Variants in AFG3L2 observed in about 807,000 individuals in gnomAD.
AFG3L2 encodes mitochondrial inner membrane m-AAA protease component AFG3L2.
Under a neutral mutation model 94.5 loss-of-function variants are expected in AFG3L2, and 54 were observed. That is an observed-to-expected ratio of 0.57 (90% CI 0.46 to 0.72). AFG3L2 has a LOEUF of 0.72. Ranked by LOEUF, AFG3L2 falls within the 30% of genes least tolerant of loss-of-function variation. The probability of loss-of-function intolerance (pLI) is 0.00; values close to 1 mark genes in which losing one functional copy is unlikely to be tolerated. For missense variants in AFG3L2, 754 were observed against 994.9 expected, an observed-to-expected ratio of 0.76 and a Z score of 3.26; for synonymous variants, 377 against 365.5, an observed-to-expected ratio of 1.03 and a Z score of -0.36.
At position 12,377,115 on chromosome 18, in the gene AFG3L2, C is replaced by A; in HGVS notation, c.-33G>T. The A allele has an allele frequency of 7.4e-7, 1 of 1,358,442 alleles. No homozygotes were observed. The highest frequency in any genetic ancestry group is 1.5e-5 in the South Asian group (1 of 66,290). 84.1% of individuals were successfully genotyped at this position (1,358,442 alleles called of 1,614,324 possible). On this transcript the variant is annotated 5_prime_UTR_variant, in exon 1 of 17. Coordinates refer to ENST00000269143, the MANE Select transcript of AFG3L2 (RefSeq NM_006796.3). ...GCCGTGGCCCTCTCGGCCCGGGACG[C>A]TGCGCAGGCGCGGGCAGGCGACGAC...
intron 5 of AFG3L2, among the ~76,000 whole-genome samples, chr18:12,365,794 T>C (rs1274847120): frequency 3.3e-5 from 5 of 152,028 alleles, no homozygotes; most frequent in Non-Finnish European, 7.4e-5. Context: ...AAAACCCAAG[T>C]ATTAAGAGGT....
chr18:12,373,186 G>A (rs971270560), intron 1 of AFG3L2, among the ~76,000 whole-genome samples: 1 of 152,222 alleles, frequency 6.6e-6, no homozygotes, highest in South Asian at 2.1e-4. Flanking sequence ...TGGAGCTTAT[G>A]TTGTGTTACA....
chr18:12,339,026 G>A (rs1021376745), intron 15 of AFG3L2, among the ~76,000 whole-genome samples: 7 of 151,820 alleles, frequency 4.6e-5, no homozygotes, highest in Non-Finnish European at 8.8e-5. Context: ...AGGCCAAGGC[G>A]GGCGGATCAC....
chr18:12,332,932 C>CTATATAA (rs1282089860), intron 16 of AFG3L2, among the ~76,000 whole-genome samples: 1 of 113,060 alleles, frequency 8.8e-6, no homozygotes, highest in Admixed American at 1.3e-4. Context: ...ATAACATATA[C>CTATATAA]TATATAACAT....
At chr18:12,356,607 G>A in intron 9 of AFG3L2, 87 bp downstream of exon 9, 2 of 1,585,308 alleles carry the variant, frequency 1.3e-6, no homozygotes, top group African/African-American at 1.3e-5. Flanking sequence ...CACTCTAGGG[G>A]GAAGGGCCAT....
chr18:12,347,557 T>A lies in AFG3L2; in HGVS notation c.1663+716A>T, dbSNP rs571106163. On this transcript the variant is annotated intron_variant, in intron 13 of 16. Transcript: ENST00000269143. ...TTTTATTTTATTTATTATTATTATT[T>A]TTTTTTTTTTTGAGACAGAGACTTA... Among the ~76,000 whole-genome samples, 364 of 148,940 alleles carry A rather than the reference T, an allele frequency of 2.4e-3. 1 individual carries two copies. The highest frequency in any genetic ancestry group is 7.3e-3 in the African/African-American group (300 of 41,042).
chr18:12,360,518 G>A (rs1312229804), intron 6 of AFG3L2, among the ~76,000 whole-genome samples: 1 of 152,080 alleles, frequency 6.6e-6, no homozygotes, highest in African/African-American at 2.4e-5. Context: ...CAATCCTGAG[G>A]ACCATCCTAA....
intron 6 of AFG3L2, 116 bp downstream of exon 6, chr18:12,363,666 G>A: frequency 1.2e-6 from 1 of 827,332 alleles, no homozygotes; most frequent in East Asian, 2.4e-5. Flanking sequence ...ACACTGCCCA[G>A]TTCTGATATA....
In AFG3L2 at chr18:12,376,978, G is replaced by T; in HGVS notation, c.105C>A (p.Cys35Ter). Reference sequence around the variant, plus strand: ...CCCAGGTAGGACTCACCGTCCGGAGGCAGGGCTGCTCGCCCGGGCCCACGC... The same window carrying T: ...CCCAGGTAGGACTCACCGTCCGGAGTCAGGGCTGCTCGCCCGGGCCCACGC... ...PGGVGPGEQP[C>*]LRTLYRFVTT... is the part of the protein sequence containing the mutation. The change falls in exon 1 of 17, where the codon TGC becomes TGA. Residue 35 changes from cysteine (C) to a stop codon, truncating the protein, a stop_gained. Coordinates refer to ENST00000269143, the MANE Select transcript of AFG3L2 (RefSeq NM_006796.3). LOFTEE classifies it high-confidence loss of function. 6.8e-7 allele frequency: 1 copy of T among 1,460,272 alleles called. No individual in the cohort carries two copies. Among genetic ancestry groups the T allele is most frequent in the Non-Finnish European group, 9.0e-7 (1 of 1,110,556 alleles). The allele number at this position is 1,460,272 out of a possible 1,614,324, so 90.5% of individuals were successfully genotyped here.
intron 2 of AFG3L2, 97 bp from the exon 3 acceptor site, chr18:12,371,023 C>G: frequency 1.3e-6 from 1 of 753,654 alleles, no homozygotes; most frequent in South Asian, 1.6e-5. Flanking sequence ...CACTGAAAAG[C>G]ACAAGCTGGC....
At chr18:12,331,541 G>A (rs1477673624) in intron 16 of AFG3L2, among the ~76,000 whole-genome samples, 2 of 152,076 alleles carry the variant, frequency 1.3e-5, no homozygotes, top group African/African-American at 2.4e-5. Flanking sequence ...AATGGCTCAC[G>A]CCTGTAATCC....
chr18:12,375,671 G>C (rs527522104), intron 1 of AFG3L2, among the ~76,000 whole-genome samples: 27 of 152,114 alleles, frequency 1.8e-4, no homozygotes, highest in African/African-American at 6.5e-4. Flanking sequence ...TCAGTCTCCC[G>C]AGCAGCTGGG....
At chr18:12,349,872 G>A (rs1404830176) in intron 12 of AFG3L2, among the ~76,000 whole-genome samples, 2 of 151,992 alleles carry the variant, frequency 1.3e-5, no homozygotes, top group East Asian at 3.9e-4. Flanking sequence ...TCATTGGCCA[G>A]GCTGGTCTTG....
rs973708246 is a variant in AFG3L2, at chr18:12,347,558, T to A, written c.1663+715A>T. Reference sequence around the variant, plus strand: ...TTTATTTTATTTATTATTATTATTTTTTTTTTTTTTGAGACAGAGACTTAC... The same window carrying A: ...TTTATTTTATTTATTATTATTATTTATTTTTTTTTTGAGACAGAGACTTAC... On this transcript the variant is annotated intron_variant, in intron 13 of 16. Transcript: ENST00000269143. 9.6e-4 allele frequency among the ~76,000 whole-genome samples: 146 copies of A among 151,738 alleles called. 1 individual carries two copies. Among genetic ancestry groups the A allele is most frequent in the African/African-American group, 3.4e-3 (139 of 41,460 alleles).
intron 4 of AFG3L2, 61 bp downstream of exon 4, chr18:12,367,215 T>A: frequency 6.2e-7 from 1 of 1,612,786 alleles, no homozygotes; most frequent in Non-Finnish European, 8.5e-7. Context: ...CACTAATGCC[T>A]CCCAACCTTC....
In AFG3L2 at chr18:12,351,123, A is replaced by T. The variant is rs1253449139; in HGVS notation, c.1514T>A (p.Leu505Ter). ...KLDSTLEKDK[L>*]ARKLASLTPG... ...AGTTAAAGATGCCAGTTTTCTTGCC[A>T]ATTTATCCTTCTCCAGGGTACTGTC... The change falls in exon 12 of 17, where the codon TTG (leucine) becomes TAG (stop). Residue 505 changes from leucine to a stop codon, truncating the protein, a stop_gained. Transcript: ENST00000269143. LOFTEE classifies it high-confidence loss of function. 1.2e-6 allele frequency: 2 copies of T among 1,613,746 alleles called. No homozygotes were observed. The highest frequency in any genetic ancestry group is 1.7e-6 in the Non-Finnish European group (2 of 1,180,018).
At position 12,337,211 on chromosome 18, in the gene AFG3L2, A is replaced by T. The variant is rs80302688; in HGVS notation, c.2175+130T>A. 8.0e-3 allele frequency: 6,656 copies of T among 828,704 alleles called. 228 individuals are homozygous for T. The East Asian group carries it at 0.096, about 12-fold the overall frequency. The allele number at this position is 828,704 out of a possible 1,614,324, so 51.3% of individuals were successfully genotyped here. On this transcript the variant is annotated intron_variant, in intron 16 of 16. Transcript: ENST00000269143. Reference sequence around the variant, plus strand: ...ACAGAGCAGACAACGAAACATCAGAACGAACGGACCCATGGGTGAGCCAGA... The same window carrying T: ...ACAGAGCAGACAACGAAACATCAGATCGAACGGACCCATGGGTGAGCCAGA...
intron 3 of AFG3L2, among the ~76,000 whole-genome samples, chr18:12,368,761 C>T (rs1443576572): frequency 2.6e-5 from 4 of 152,074 alleles, no homozygotes; most frequent in East Asian, 3.9e-4. Flanking sequence ...CCACCATGCC[C>T]GGCTAATTTT....
In AFG3L2 at chr18:12,351,119, T is replaced by TG; in HGVS notation, c.1517dup (p.Arg507LysfsTer14). ...CTGGAGTTAAAGATGCCAGTTTTCTTGCCAATTTATCCTTCTCCAGGGTAC... is the reference window on the plus strand; with the variant it reads ...CTGGAGTTAAAGATGCCAGTTTTCTTGGCCAATTTATCCTTCTCCAGGGTAC... On this transcript the variant is annotated frameshift_variant, in exon 12 of 17. Transcript: ENST00000269143. LOFTEE classifies it high-confidence loss of function. The TG allele has an allele frequency of 6.2e-7, 1 of 1,613,672 alleles. No individual in the cohort carries two copies. The highest frequency in any genetic ancestry group is 1.3e-5 in the African/African-American group (1 of 75,044).
Sources: gnomAD v4.1 joint callset for allele counts (sites outside exome capture counted in the v4.1 genomes callset) on GRCh38, gnomAD v4.1.1 for gene constraint, MANE v1.5 for transcripts, NCBI Gene and HGNC (gene_info 2026-07-23, HGNC 2026-07-21) for gene names.